The following C8orf34 variants were observed in gnomAD, a reference collection of about 807,000 sequenced individuals.
The protein encoded by C8orf34 is chromosome 8 open reading frame 34.
In C8orf34, 65 loss-of-function variants were observed where a neutral mutation model predicts 68.3. The observed-to-expected ratio is 0.95, with a 90% CI of 0.78 to 1.17. C8orf34 has a LOEUF of 1.17. Among genes scored for constraint, C8orf34 ranks in the 50% most tolerant of loss-of-function variants. The pLI, the probability that C8orf34 is intolerant of heterozygous loss-of-function variation, is 0.00. For missense variants in C8orf34, 664 were observed against 655.4 expected, an observed-to-expected ratio of 1.01 and a Z score of -0.14; for synonymous variants, 244 against 241.2, an observed-to-expected ratio of 1.01 and a Z score of -0.11.
At chr8:68,468,931 G>A in intron 4 of C8orf34, 111 bp downstream of exon 4, 1 of 1,200,120 alleles carries the variant, frequency 8.3e-7, no homozygotes, top group Non-Finnish European at 1.2e-6. Flanking sequence ...AATTCTGCAA[G>A]AGGCTGAGTA....
chr8:68,348,100 A>C (rs1230767511), intron 1 of C8orf34, among the ~76,000 whole-genome samples: 1 of 152,008 alleles, frequency 6.6e-6, no homozygotes. Flanking sequence ...TTTGGGTTTT[A>C]CATTTACATC....
intron 1 of C8orf34, among the ~76,000 whole-genome samples, chr8:68,393,199 A>C (rs1471337927): frequency 6.6e-6 from 1 of 152,120 alleles, no homozygotes; most frequent in African/African-American, 2.4e-5. Context: ...AATCTGTGAG[A>C]CTATCTTAAA....
intron 7 of C8orf34, among the ~76,000 whole-genome samples, chr8:68,590,068 GAA>G (rs1340493365): frequency 6.8e-6 from 1 of 146,560 alleles, no homozygotes; most frequent in Non-Finnish European, 1.5e-5. Context: ...AACAAGAAAA[GAA>G]AGAAAGGAAA....
At position 68,364,822 on chromosome 8, in the gene C8orf34, C is replaced by T. The variant is rs561244437; in HGVS notation, c.327+33483C>T. 2.0e-3 allele frequency among the ~76,000 whole-genome samples: 306 copies of T among 151,298 alleles called. 1 individual carries two copies. Among genetic ancestry groups the T allele is most frequent in the African/African-American group, 7.2e-3 (295 of 41,174 alleles). ...AGATCCAAAATTGACACCCTAACAT[C>T]ACAATTAAAAGAACTAGAAAAGCAA... On this transcript the variant is annotated intron_variant, in intron 1 of 13. Coordinates refer to ENST00000518698, the MANE Select transcript of C8orf34 (RefSeq NM_052958.4).
intron 5 of C8orf34, among the ~76,000 whole-genome samples, chr8:68,505,580 A>C: frequency 7.7e-6 from 1 of 130,372 alleles, no homozygotes; most frequent in African/African-American, 3.9e-5. Context: ...AAATACAAAA[A>C]ATTAGCCGGG....
At chr8:68,749,141 A>G (rs1822614927) in intron 10 of C8orf34, among the ~76,000 whole-genome samples, 1 of 152,014 alleles carries the variant, frequency 6.6e-6, no homozygotes, top group Admixed American at 6.6e-5. Flanking sequence ...GCAAGAACAA[A>G]AAACCAAACA....
At chr8:68,577,728 G>GA (rs1816947229) in intron 7 of C8orf34, among the ~76,000 whole-genome samples, 1 of 151,400 alleles carries the variant, frequency 6.6e-6, no homozygotes, top group African/African-American at 2.4e-5. Flanking sequence ...CCCCACACAA[G>GA]AAAAAAATGA....
intron 7 of C8orf34, among the ~76,000 whole-genome samples, chr8:68,614,152 T>G (rs987096001): frequency 2.8e-4 from 43 of 152,302 alleles, no homozygotes; most frequent in African/African-American, 9.9e-4. Flanking sequence ...TTTTTTCTTG[T>G]AAATTTGTTT....
At position 68,518,344 on chromosome 8, in the gene C8orf34, T is replaced by C. The variant is rs142881255; in HGVS notation, c.766-3455T>C. The stretch of plus-strand genomic sequence containing the variant: ...ACACACATGTGGGGCCATTTATATA[T>C]ATATAAATTTGTATATAATCTTATT... On this transcript the variant is annotated intron_variant, in intron 5 of 13. Transcript: ENST00000518698. 1.4e-4 allele frequency among the ~76,000 whole-genome samples: 21 copies of C among 152,318 alleles called. No individual in the cohort carries two copies. The East Asian group carries it at 3.9e-3, about 28-fold the overall frequency.
At chr8:68,689,495 T>C (rs1820625346) in intron 8 of C8orf34, among the ~76,000 whole-genome samples, 1 of 152,134 alleles carries the variant, frequency 6.6e-6, no homozygotes, top group Non-Finnish European at 1.5e-5. Flanking sequence ...GCCCATGCTC[T>C]GAACTTCTCT....
At chr8:68,481,029 C>T (rs988908495) in intron 4 of C8orf34, among the ~76,000 whole-genome samples, 3 of 152,154 alleles carry the variant, frequency 2.0e-5, no homozygotes, top group African/African-American at 7.2e-5. Flanking sequence ...ATGTCAGAGA[C>T]TTTCATGACA....
intron 3 of C8orf34, among the ~76,000 whole-genome samples, chr8:68,455,313 C>T (rs1289866494): frequency 6.6e-6 from 1 of 152,098 alleles, no homozygotes; most frequent in Non-Finnish European, 1.5e-5. Context: ...CTTCTATTTG[C>T]TCCGTTATCG....
intron 1 of C8orf34, among the ~76,000 whole-genome samples, chr8:68,387,783 A>T (rs1338955400): frequency 6.6e-6 from 1 of 152,244 alleles, no homozygotes; most frequent in East Asian, 1.9e-4. Context: ...TGAAATCTAA[A>T]ACAAATACAA....
intron 10 of C8orf34, among the ~76,000 whole-genome samples, chr8:68,773,039 T>C (rs781043365): frequency 2.0e-5 from 3 of 152,156 alleles, no homozygotes; most frequent in Non-Finnish European, 4.4e-5. Context: ...CCCAGGTAAT[T>C]ACCAAAATAC....
At chr8:68,615,627 C>T (rs984999602) in intron 7 of C8orf34, among the ~76,000 whole-genome samples, 2 of 152,068 alleles carry the variant, frequency 1.3e-5, no homozygotes, top group Admixed American at 1.3e-4. Flanking sequence ...GTCTTGCATC[C>T]CAGGGATGAA....
intron 1 of C8orf34, among the ~76,000 whole-genome samples, chr8:68,333,430 GA>G (rs1439943936): frequency 1.3e-5 from 2 of 152,314 alleles, no homozygotes; most frequent in East Asian, 1.9e-4. Context: ...ATTGAAGGGA[GA>G]AAAATGGATA....
At chr8:68,775,879 T>C (rs537813678) in intron 10 of C8orf34, among the ~76,000 whole-genome samples, 1 of 152,158 alleles carries the variant, frequency 6.6e-6, no homozygotes, top group South Asian at 2.1e-4. Flanking sequence ...CTGGAAGCCA[T>C]TATCCTCAGC....
chr8:68,509,196 GCTCC>G (rs1463100142), intron 5 of C8orf34, among the ~76,000 whole-genome samples: 1 of 152,208 alleles, frequency 6.6e-6, no homozygotes, highest in Non-Finnish European at 1.5e-5. Flanking sequence ...GGCAGTGAGA[GCTCC>G]CTCAGAGGCC....
At chr8:68,458,766 G>A (rs533752564) in intron 3 of C8orf34, among the ~76,000 whole-genome samples, 1 of 152,188 alleles carries the variant, frequency 6.6e-6, no homozygotes, top group Non-Finnish European at 1.5e-5. Flanking sequence ...CACGGTTACT[G>A]TGTCTACTCT....
Sources: gnomAD v4.1 joint callset for allele counts (sites outside exome capture counted in the v4.1 genomes callset) on GRCh38, gnomAD v4.1.1 for gene constraint, MANE v1.5 for transcripts, NCBI Gene and HGNC (gene_info 2026-07-23, HGNC 2026-07-21) for gene names.